Variants in CSMD3 observed in about 807,000 individuals in gnomAD.
The protein encoded by CSMD3 is CUB and Sushi multiple domains 3.
In CSMD3, 177 loss-of-function variants were observed where a neutral mutation model predicts 435.2. The observed-to-expected ratio is 0.41, with a 90% confidence interval of 0.36 to 0.46. The LOEUF (loss-of-function observed/expected upper bound fraction) is 0.46. Ranked by LOEUF, CSMD3 falls within the 20% of genes least tolerant of loss-of-function variation. CSMD3 has a pLI of 0.34. For synonymous variants in CSMD3, 1,656 were observed against 1,520.5 expected, an observed-to-expected ratio of 1.09 and a Z score of -2.07; for missense variants, 4,265 against 4,504.6, an observed-to-expected ratio of 0.95 and a Z score of 1.52.
chr8:112,570,515 T>C (rs1039583882), intron 24 of CSMD3, among the ~76,000 whole-genome samples: 1 of 152,142 alleles, frequency 6.6e-6, no homozygotes, highest in Non-Finnish European at 1.5e-5. Flanking sequence ...CCAAAGTCAG[T>C]AGGACATGCA....
intron 27 of CSMD3, among the ~76,000 whole-genome samples, chr8:112,536,904 T>A (rs1826152881): frequency 1.3e-5 from 2 of 151,698 alleles, no homozygotes; most frequent in Non-Finnish European, 2.9e-5. Context: ...TCATTCTCAG[T>A]AAACTATTGC....
chr8:112,909,626 C>CA (rs956131669), intron 10 of CSMD3, among the ~76,000 whole-genome samples: 17 of 151,784 alleles, frequency 1.1e-4, no homozygotes, highest in African/African-American at 3.9e-4. Flanking sequence ...TTCGATGCTG[C>CA]AAACCTACAT....
At chr8:113,063,478 T>G (rs2131373350) in intron 5 of CSMD3, among the ~76,000 whole-genome samples, 1 of 152,126 alleles carries the variant, frequency 6.6e-6, no homozygotes, top group South Asian at 2.1e-4. Flanking sequence ...GATTTATATT[T>G]AATTTGCTAA....
chr8:112,402,576 A>T (rs1439832183), intron 35 of CSMD3, among the ~76,000 whole-genome samples: 2 of 152,158 alleles, frequency 1.3e-5, no homozygotes, highest in African/African-American at 2.4e-5. Context: ...GAAGAGAACT[A>T]CTTATCTAAG....
chr8:112,600,633 G>A (rs1832254901), intron 22 of CSMD3, among the ~76,000 whole-genome samples: 1 of 152,082 alleles, frequency 6.6e-6, no homozygotes, highest in Admixed American at 6.6e-5. Flanking sequence ...TAAGTATCCT[G>A]AGAGTAAGGA....
At chr8:113,073,266 T>G (rs189118543) in intron 5 of CSMD3, among the ~76,000 whole-genome samples, 1 of 151,962 alleles carries the variant, frequency 6.6e-6, no homozygotes, top group Admixed American at 6.6e-5. Context: ...TCTGCACACC[T>G]GGTAAGTCAA....
At chr8:112,307,585 A>G (rs1821568388) in intron 50 of CSMD3, among the ~76,000 whole-genome samples, 1 of 152,066 alleles carries the variant, frequency 6.6e-6, no homozygotes, top group East Asian at 1.9e-4. Flanking sequence ...ATCTGGCCCT[A>G]TGTGTATCTT....
intron 20 of CSMD3, chr8:112,643,368 T>C (rs2074889279): frequency 6.0e-6 from 1 of 166,314 alleles, no homozygotes; most frequent in Non-Finnish European, 1.5e-5. Context: ...GGTTAGACTA[T>C]ATTACCTTGA....
chr8:112,966,371 A>C (rs1292466345), intron 7 of CSMD3, among the ~76,000 whole-genome samples: 1 of 151,624 alleles, frequency 6.6e-6, no homozygotes, highest in Non-Finnish European at 1.5e-5. Flanking sequence ...CATATATATA[A>C]AATAAGAAAA....
intron 32 of CSMD3, among the ~76,000 whole-genome samples, chr8:112,463,402 G>T (rs1817650034): frequency 6.6e-6 from 1 of 152,080 alleles, no homozygotes; most frequent in South Asian, 2.1e-4. Flanking sequence ...ACTGCAGAGT[G>T]ACTACAACAA....
intron 32 of CSMD3, among the ~76,000 whole-genome samples, chr8:112,457,634 G>C (rs1816970275): frequency 6.6e-6 from 1 of 152,020 alleles, no homozygotes. Context: ...CCAGAGTAAA[G>C]TTGAGGAATT....
intron 13 of CSMD3, among the ~76,000 whole-genome samples, chr8:112,695,861 G>A (rs1563863435): frequency 1.3e-5 from 2 of 152,140 alleles, no homozygotes; most frequent in Non-Finnish European, 2.9e-5. Context: ...ATCTCCTTAG[G>A]CTGATAAGCA....
rs71281211 is a variant in CSMD3 at position 113,328,735 on chromosome 8, C to CTTTTTTTTTTTTTTTTTTTTTTTTTTT, written c.179-13943_179-13942insAAAAAAAAAAAAAAAAAAAAAAAAAAA. 1.0e-4 allele frequency among the ~76,000 whole-genome samples: 6 copies of CTTTTTTTTTTTTTTTTTTTTTTTTTTT among 57,196 alleles called. 1 individual carries two copies. The highest frequency in any genetic ancestry group is 1.7e-4 in the African/African-American group (2 of 11,968). The allele number at this position is 57,196 out of a possible 152,430, so 37.5% of individuals were successfully genotyped here. Reference sequence around the variant, plus strand: ...CTTTCTTTCTTTCCTTCCTTCTTTTCTTTTTTTTTTTTTTTTTTTTTTTTG... The same window carrying CTTTTTTTTTTTTTTTTTTTTTTTTTTT: ...CTTTCTTTCTTTCCTTCCTTCTTTTCTTTTTTTTTTTTTTTTTTTTTTTTTTTTTTTTTTTTTTTTTTTTTTTTTTTG... On this transcript the variant is annotated intron_variant, in intron 1 of 70. Transcript: ENST00000297405.
At chr8:113,024,319 T>TG (rs2086795033) in intron 5 of CSMD3, among the ~76,000 whole-genome samples, 2 of 2,356 alleles carry the variant, frequency 8.5e-4, no homozygotes, top group Admixed American at 6.4e-3. Flanking sequence ...TGTGTGTGTG[T>TG]TTGTGTGTGT....
chr8:112,333,183 T>C (rs2130934348), intron 45 of CSMD3, among the ~76,000 whole-genome samples: 1 of 152,284 alleles, frequency 6.6e-6, no homozygotes, highest in South Asian at 2.1e-4. Flanking sequence ...TTGATTGATT[T>C]TGAGACAGAG....
chr8:112,858,383 T>G (rs189302755), intron 11 of CSMD3, among the ~76,000 whole-genome samples: 18 of 151,828 alleles, frequency 1.2e-4, no homozygotes, highest in Admixed American at 3.9e-4. Flanking sequence ...CTGAACCAAT[T>G]TCATGAGCTC....
At position 112,402,428 on chromosome 8, in the gene CSMD3, G is replaced by A. The variant is rs1368372100; in HGVS notation, c.5809+4096C>T. ...TCATACATTTACATTTCAGTTCTTG[G>A]CATATGTAGGTTCTTTGAACACTCT... is the stretch of plus-strand genomic sequence containing the variant. On this transcript the variant is annotated intron_variant, in intron 35 of 70. Transcript: ENST00000297405. Among the ~76,000 whole-genome samples, 3 of 152,070 alleles carry A rather than the reference G, an allele frequency of 2.0e-5. No homozygotes were observed. The East Asian group carries it at 5.8e-4, about 29-fold the overall frequency.
At chr8:112,748,958 C>T (rs1351606256) in intron 13 of CSMD3, among the ~76,000 whole-genome samples, 1 of 152,252 alleles carries the variant, frequency 6.6e-6, no homozygotes, top group Admixed American at 6.5e-5. Flanking sequence ...CTCCCATCAA[C>T]GGTGTATAAG....
chr8:113,134,813 G>A (rs2091373635), intron 4 of CSMD3, among the ~76,000 whole-genome samples: 1 of 151,936 alleles, frequency 6.6e-6, no homozygotes, highest in Non-Finnish European at 1.5e-5. Context: ...CATGATTCTG[G>A]TAGCTGGAAA....
Sources: gnomAD v4.1 joint callset for allele counts (sites outside exome capture counted in the v4.1 genomes callset) on GRCh38, gnomAD v4.1.1 for gene constraint, MANE v1.5 for transcripts, NCBI Gene and HGNC (gene_info 2026-07-23, HGNC 2026-07-21) for gene names.